The following PIAS1 variants were observed in gnomAD, a reference collection of about 807,000 sequenced individuals.
PIAS1 encodes the protein E3 SUMO-protein ligase PIAS1.
PIAS1 carries 6 observed loss-of-function variants against 71.3 expected under a neutral mutation model. That is an observed-to-expected ratio of 0.08 (90% CI 0.05 to 0.17). The LOEUF (loss-of-function observed/expected upper bound fraction) is 0.17. Ranked by LOEUF, PIAS1 falls within the 10% of genes least tolerant of loss-of-function variation. The pLI, the probability that PIAS1 is intolerant of heterozygous loss-of-function variation, is 1.00. For missense variants in PIAS1, 555 were observed against 793.6 expected, an observed-to-expected ratio of 0.70 and a Z score of 3.61; for synonymous variants, 303 against 292.9, an observed-to-expected ratio of 1.03 and a Z score of -0.35.
chr15:68,132,268 G>A (rs1479968497), intron 2 of PIAS1, among the ~76,000 whole-genome samples: 1 of 151,910 alleles, frequency 6.6e-6, no homozygotes, highest in African/African-American at 2.4e-5. Context: ...CACGAGGTCA[G>A]GAGATTGAGA....
intron 1 of PIAS1, chr15:68,057,391 T>G: frequency 2.7e-6 from 1 of 366,978 alleles, no homozygotes; most frequent in South Asian, 2.1e-5. Context: ...GACAGCTTCA[T>G]GAAACTCCTC....
chr15:68,132,745 C>T (rs990735450), intron 2 of PIAS1, among the ~76,000 whole-genome samples: 3 of 151,808 alleles, frequency 2.0e-5, no homozygotes, highest in Non-Finnish European at 4.4e-5. Context: ...GAACAAAAAC[C>T]GAAATTATGT....
Position 68,158,832 on chromosome 15 carries a change from A to G in PIAS1, c.934+5137A>G, listed in dbSNP as rs186492911. On this transcript the variant is annotated intron_variant, in intron 7 of 13. Transcript: ENST00000249636. ...ATAATAACAACCCCAGAACACCAGT[A>G]ATAGAACAATCTGTGATAATGGAAG... Among the ~76,000 whole-genome samples the G allele has an allele frequency of 2.7e-4, 41 of 152,366 alleles. 1 individual carries two copies. In the East Asian group the frequency reaches 3.5e-3, roughly 13 times the overall value.
intron 2 of PIAS1, among the ~76,000 whole-genome samples, chr15:68,121,255 GTTTTTTTGT>G (rs1595742010): frequency 8.6e-6 from 1 of 116,092 alleles, no homozygotes; most frequent in Middle Eastern, 4.5e-3. Context: ...CAGTTGACAT[GTTTTTTTGT>G]TTTTTTTTTT....
chr15:68,093,150 T>TTTA (rs1272752830), intron 2 of PIAS1, among the ~76,000 whole-genome samples: 2 of 152,256 alleles, frequency 1.3e-5, no homozygotes, highest in Non-Finnish European at 2.9e-5. Flanking sequence ...TCTTTTATAG[T>TTTA]TGGCTTCATT....
In PIAS1 at chr15:68,188,076, G is replaced by T. The variant is rs1567084211; in HGVS notation, c.*241G>T. On this transcript the variant is annotated 3_prime_UTR_variant, in exon 14 of 14. Transcript: ENST00000249636. The stretch of plus-strand genomic sequence containing the variant: ...TAAAACACTTGTTTAAAAAAAAAAA[G>T]GAAAGAAAAGAAAAAAGAAAAACAA... 7.0e-6 allele frequency: 2 copies of T among 286,556 alleles called. No homozygotes were observed. Among genetic ancestry groups the T allele is most frequent in the African/African-American group, 4.4e-5 (2 of 45,468 alleles). 17.8% of individuals were successfully genotyped at this position (286,556 alleles called of 1,614,324 possible).
At chr15:68,182,877 T>C (rs1370880203) in intron 12 of PIAS1, among the ~76,000 whole-genome samples, 2 of 152,210 alleles carry the variant, frequency 1.3e-5, no homozygotes, top group East Asian at 3.8e-4. Flanking sequence ...GCCCAGAGTA[T>C]CTGTGGTGTT....
chr15:68,124,406 G>GTT (rs553374128), intron 2 of PIAS1, among the ~76,000 whole-genome samples: 6,893 of 143,118 alleles, frequency 0.048, 229 homozygotes, highest in Non-Finnish European at 0.072. Context: ...GTTGTTTTTT[G>GTT]TTTTTTTTTT....
At position 68,054,406 on chromosome 15, in the gene PIAS1, C is replaced by T; in HGVS notation, c.24+56C>T. 1 of 1,536,736 alleles carries T rather than the reference C, an allele frequency of 6.5e-7. No homozygotes were observed. Among genetic ancestry groups the T allele is most frequent in the Non-Finnish European group, 8.8e-7 (1 of 1,134,818 alleles). ...TTCGGCCGCGGAGACGGCGCCGCTGCTGCCAGGGGGGATGGGTCCGACCCT... is the reference window on the plus strand; with the variant it reads ...TTCGGCCGCGGAGACGGCGCCGCTGTTGCCAGGGGGGATGGGTCCGACCCT... On this transcript the variant is annotated intron_variant, in intron 1 of 13. Transcript: ENST00000249636. This position sits in a 1 kb window ranked among gnomAD's most constrained non-coding sequence, Gnocchi z 4.6.
chr15:68,191,471 T>C lies in PIAS1; in HGVS notation c.*3636T>C, dbSNP rs1291455876. The C allele has an allele frequency of 1.3e-5, 2 of 152,670 alleles. No individual in the cohort carries two copies. Among genetic ancestry groups the C allele is most frequent in the South Asian group, 2.1e-4 (1 of 4,832 alleles). The allele number at this position is 152,670 out of a possible 1,614,324, so 9.5% of individuals were successfully genotyped here. ...AAGAAAAGCCTTCAGTTAATTTGTC[T>C]TCTGTAAAATAACACTGCTGGATGT... On this transcript the variant is annotated 3_prime_UTR_variant, in exon 14 of 14. Transcript: ENST00000249636.
intron 3 of PIAS1, 46 bp from the exon 4 acceptor site, chr15:68,142,244 G>T (rs1446170823): frequency 6.7e-7 from 1 of 1,484,270 alleles, no homozygotes; most frequent in Admixed American, 1.7e-5. Flanking sequence ...GAACTTTCAT[G>T]CAAATACTTT....
intron 1 of PIAS1, among the ~76,000 whole-genome samples, chr15:68,083,909 GCTA>G (rs1300055188): frequency 6.6e-6 from 1 of 152,074 alleles, no homozygotes; most frequent in Non-Finnish European, 1.5e-5. Flanking sequence ...GCTGATAGCA[GCTA>G]CTATTTGAGT....
chr15:68,093,716 G>A (rs759921526), intron 2 of PIAS1, among the ~76,000 whole-genome samples: 15 of 152,138 alleles, frequency 9.9e-5, no homozygotes, highest in Admixed American at 5.2e-4. Context: ...AAGTAGAGAA[G>A]CAAATTATGT....
intron 7 of PIAS1, among the ~76,000 whole-genome samples, chr15:68,162,487 G>C (rs1452124736): frequency 1.3e-5 from 2 of 152,046 alleles, no homozygotes; most frequent in Non-Finnish European, 2.9e-5. Flanking sequence ...AAAGGAGAGA[G>C]AGAGATGAGA....
chr15:68,111,700 T>C (rs894248651), intron 2 of PIAS1, among the ~76,000 whole-genome samples: 1 of 152,166 alleles, frequency 6.6e-6, no homozygotes, highest in Non-Finnish European at 1.5e-5. Flanking sequence ...GGAAGGAATT[T>C]TCCCTAGCGT....
chr15:68,097,372 C>T (rs972725813), intron 2 of PIAS1, among the ~76,000 whole-genome samples: 1 of 152,048 alleles, frequency 6.6e-6, no homozygotes, highest in Admixed American at 6.6e-5. Flanking sequence ...TGGATTCTTT[C>T]ATAGATGCCC....
chr15:68,176,340 C>T (rs1170858821), intron 10 of PIAS1, 134 bp from the exon 11 acceptor site: 5 of 461,408 alleles, frequency 1.1e-5, no homozygotes, highest in Non-Finnish European at 1.9e-5. Flanking sequence ...AGAACAGAGC[C>T]ACTGTTGGTT....
At chr15:68,127,711 G>T (rs2092660758) in intron 2 of PIAS1, among the ~76,000 whole-genome samples, 1 of 152,026 alleles carries the variant, frequency 6.6e-6, no homozygotes, top group African/African-American at 2.4e-5. Flanking sequence ...TGCTAAGCTA[G>T]CAATCTCTAC....
intron 1 of PIAS1, among the ~76,000 whole-genome samples, chr15:68,076,073 C>A (rs1216427131): frequency 6.6e-6 from 1 of 152,024 alleles, no homozygotes; most frequent in Non-Finnish European, 1.5e-5. Flanking sequence ...CGTGAGCCAC[C>A]GCTCCTGGCC....
Sources: allele counts gnomAD v4.1 joint callset (sites outside exome capture counted in the v4.1 genomes callset), GRCh38; gene constraint gnomAD v4.1.1; non-coding constraint Gnocchi (gnomAD v3.1); transcripts MANE v1.5; gene names NCBI Gene and HGNC (gene_info 2026-07-23, HGNC 2026-07-21).